The following DZIP1 variants were observed in gnomAD, a reference collection of about 807,000 sequenced individuals.
DZIP1 encodes the protein cilium assembly protein DZIP1.
A neutral mutation model predicts 107.6 loss-of-function variants in DZIP1; 97 were observed. The observed-to-expected ratio is 0.90, with a 90% CI of 0.77 to 1.07. The LOEUF is 1.07. Ranked by LOEUF, DZIP1 falls within the 50% of genes least tolerant of loss-of-function variation. DZIP1 has a pLI of 0.00. For synonymous variants in DZIP1, 390 were observed against 386.4 expected, an observed-to-expected ratio of 1.01 and a Z score of -0.11; for missense variants, 1,035 against 1,063.6, an observed-to-expected ratio of 0.97 and a Z score of 0.37.
At chr13:95,631,027 G>A (rs370073853) in intron 6 of DZIP1, among the ~76,000 whole-genome samples, 18 of 152,062 alleles carry the variant, frequency 1.2e-4, no homozygotes, top group Non-Finnish European at 2.1e-4. Flanking sequence ...TTGTTTCTAC[G>A]AAGCTTAGCT....
At chr13:95,590,145 C>T (rs2138821113) in intron 17 of DZIP1, 134 bp downstream of exon 17, 5 of 1,057,834 alleles carry the variant, frequency 4.7e-6, no homozygotes, top group Middle Eastern at 5.8e-4. Flanking sequence ...AAAAGAGTTG[C>T]CAGTGAAGTG....
Sources: allele counts gnomAD v4.1 joint callset (sites outside exome capture counted in the v4.1 genomes callset), GRCh38; gene constraint gnomAD v4.1.1; transcripts MANE v1.5; gene names NCBI Gene and HGNC (gene_info 2026-07-23, HGNC 2026-07-21).